CAMTA1: variants seen among roughly 807,000 people sequenced by gnomAD.
CAMTA1 encodes the protein calmodulin-binding transcription activator 1.
In CAMTA1, 27 loss-of-function variants were observed where a neutral mutation model predicts 170.9. The ratio of observed to expected loss-of-function variants is 0.16; its 90% confidence interval spans 0.12 to 0.22. The LOEUF is 0.22. Ranked by LOEUF, CAMTA1 falls within the 10% of genes least tolerant of loss-of-function variation. The pLI is 1.00. For missense variants in CAMTA1, 1,619 were observed against 2,217.2 expected (o/e 0.73, Z 5.42); for synonymous variants, 833 against 891.5 (o/e 0.93, Z 1.17).
At chr1:7,096,807 C>T (rs1046584284) in intron 4 of CAMTA1, among the ~76,000 whole-genome samples, 2 of 152,200 alleles carry the variant, frequency 1.3e-5, no homozygotes, top group African/African-American at 4.8e-5. Flanking sequence ...ATTGGTTTGC[C>T]TGAAATATTG....
intron 3 of CAMTA1, among the ~76,000 whole-genome samples, chr1:6,855,988 A>G (rs1662194072): frequency 2.0e-5 from 3 of 152,204 alleles, no homozygotes; most frequent in Admixed American, 6.5e-5. Flanking sequence ...GATACCTGCC[A>G]GAAGTTGCTC....
chr1:6,901,874 C>A (rs994575834), intron 3 of CAMTA1, among the ~76,000 whole-genome samples: 1 of 151,906 alleles, frequency 6.6e-6, no homozygotes, highest in Admixed American at 6.6e-5. Flanking sequence ...GGTGAAACCC[C>A]GTCTCTACTA....
intron 6 of CAMTA1, among the ~76,000 whole-genome samples, chr1:7,499,368 T>G (rs1382666316): frequency 7.0e-6 from 1 of 142,736 alleles, no homozygotes; most frequent in East Asian, 2.2e-4. Context: ...GGTGTGCGTG[T>G]GTATGTATAT....
intron 3 of CAMTA1, among the ~76,000 whole-genome samples, chr1:6,937,150 A>G (rs1685463645): frequency 6.6e-6 from 1 of 151,394 alleles, no homozygotes; most frequent in South Asian, 2.1e-4. Context: ...CACCATCACC[A>G]TCATCACCGT....
At chr1:7,540,665 G>A (rs779000455) in intron 6 of CAMTA1, among the ~76,000 whole-genome samples, 120 of 152,318 alleles carry the variant, frequency 7.9e-4, no homozygotes, top group Middle Eastern at 3.4e-3. Flanking sequence ...CAACCTGGAC[G>A]TATGGGCCTA....
At chr1:7,423,444 G>C (rs958104424) in intron 5 of CAMTA1, among the ~76,000 whole-genome samples, 1 of 148,996 alleles carries the variant, frequency 6.7e-6, no homozygotes, top group African/African-American at 2.5e-5. Flanking sequence ...ACTCCAGCCT[G>C]GGTGACAAGA....
In CAMTA1 at chr1:7,744,898, A is replaced by G. The variant is rs1419735295; in HGVS notation, c.4246A>G (p.Asn1416Asp). The stretch of plus-strand genomic sequence containing the variant: ...CACACCTGACCGAATCAAGCAGGAG[A>G]ATTTTGTGCCCATGGAGTCCTCAGG... The part of the protein sequence containing the change: ...EATPDRIKQE[N>D]FVPMESSGLE... The change falls in exon 17 of 23, where the codon AAT becomes GAT. Residue 1416 changes from asparagine (N) to aspartate (D), a missense_variant. Transcript: ENST00000303635. 6.2e-7 allele frequency: 1 copy of G among 1,614,008 alleles called. No individual in the cohort carries two copies. Among genetic ancestry groups the G allele is most frequent in the South Asian group, 1.1e-5 (1 of 91,064 alleles).
chr1:7,109,866 C>G (rs1643906821), intron 4 of CAMTA1, among the ~76,000 whole-genome samples: 1 of 152,158 alleles, frequency 6.6e-6, no homozygotes, highest in African/African-American at 2.4e-5. Flanking sequence ...GGGGACGCTG[C>G]TGAGGAGCAC....
chr1:7,184,135 G>C (rs1652776633), intron 4 of CAMTA1, among the ~76,000 whole-genome samples: 1 of 152,160 alleles, frequency 6.6e-6, no homozygotes, highest in Non-Finnish European at 1.5e-5. Flanking sequence ...GGCACGGAAA[G>C]ACAAACTTTT....
intron 11 of CAMTA1, among the ~76,000 whole-genome samples, chr1:7,727,896 T>C (rs1199268185): frequency 6.6e-6 from 1 of 152,182 alleles, no homozygotes. Flanking sequence ...GAGGAGAAAG[T>C]CTCTCTGAAC....
chr1:7,675,174 G>A (rs2096104131), intron 10 of CAMTA1, among the ~76,000 whole-genome samples: 1 of 152,204 alleles, frequency 6.6e-6, no homozygotes, highest in South Asian at 2.1e-4. Context: ...AGAGGGTAGG[G>A]GAAGTGCAAA....
At chr1:7,698,672 A>C (rs1236678899) in intron 11 of CAMTA1, 1 of 152,294 alleles carries the variant, frequency 6.6e-6, no homozygotes, top group Non-Finnish European at 1.5e-5. Context: ...AACCATTGTG[A>C]TCTGCAAGGA....
intron 6 of CAMTA1, among the ~76,000 whole-genome samples, chr1:7,484,607 G>A (rs981936690): frequency 7.9e-5 from 12 of 152,100 alleles, no homozygotes; most frequent in Admixed American, 7.9e-4. Flanking sequence ...GGCTAACACG[G>A]TGAAATCCCG....
At chr1:7,408,730 C>T (rs1257711347) in intron 5 of CAMTA1, among the ~76,000 whole-genome samples, 1 of 152,216 alleles carries the variant, frequency 6.6e-6, no homozygotes, top group East Asian at 1.9e-4. Context: ...CCTCAGCCTC[C>T]ATAGCACGCC....
chr1:6,850,836 A>G (rs1360485695), intron 3 of CAMTA1, among the ~76,000 whole-genome samples: 7 of 152,340 alleles, frequency 4.6e-5, no homozygotes, highest in Admixed American at 3.3e-4. Context: ...ATCAGGGAGC[A>G]GGAAAACTTC....
intron 4 of CAMTA1, among the ~76,000 whole-genome samples, chr1:7,121,328 G>C (rs1644628467): frequency 6.6e-6 from 1 of 152,232 alleles, no homozygotes; most frequent in African/African-American, 2.4e-5. Flanking sequence ...GGGTGCTATA[G>C]ACAGTCATAA....
chr1:7,033,219 T>G (rs186621159), intron 3 of CAMTA1, among the ~76,000 whole-genome samples: 1 of 152,332 alleles, frequency 6.6e-6, no homozygotes, highest in East Asian at 1.9e-4. Context: ...TATTCAGTTT[T>G]TTCTTTTTCC....
chr1:7,524,564 A>G (rs1449125518), intron 6 of CAMTA1, among the ~76,000 whole-genome samples: 1 of 152,170 alleles, frequency 6.6e-6, no homozygotes, highest in Non-Finnish European at 1.5e-5. Context: ...CATCTGTGGA[A>G]GAGCACTCAG....
intron 3 of CAMTA1, among the ~76,000 whole-genome samples, chr1:7,066,169 T>C (rs1178112632): frequency 2.0e-5 from 3 of 152,218 alleles, no homozygotes; most frequent in East Asian, 3.9e-4. Flanking sequence ...CTCTGGCCCT[T>C]TGATGCTCTA....
Sources: gnomAD v4.1 joint callset for allele counts (sites outside exome capture counted in the v4.1 genomes callset) on GRCh38, gnomAD v4.1.1 for gene constraint, MANE v1.5 for transcripts, NCBI Gene and HGNC (gene_info 2026-07-23, HGNC 2026-07-21) for gene names.